Variants in ADAMTSL1 observed in about 807,000 individuals in gnomAD.
The protein encoded by ADAMTSL1 is ADAMTS like 1.
A neutral mutation model predicts 201.8 loss-of-function variants in ADAMTSL1; 126 were observed. That is an observed-to-expected ratio of 0.62 (90% CI 0.54 to 0.72). The LOEUF (loss-of-function observed/expected upper bound fraction) is 0.72. Ranked by LOEUF, ADAMTSL1 falls within the 30% of genes least tolerant of loss-of-function variation. ADAMTSL1 has a pLI of 0.00. For synonymous variants in ADAMTSL1, 1,121 were observed against 903.4 expected (o/e 1.24, Z -4.32); for missense variants, 2,679 against 2,277.8 (o/e 1.18, Z -3.59).
At position 18,513,951 on chromosome 9, in the gene ADAMTSL1, C is replaced by G. The variant is rs539548890; in HGVS notation, c.191+8995C>G. Among the ~76,000 whole-genome samples the G allele has an allele frequency of 7.2e-5, 11 of 152,312 alleles. No homozygotes were observed. The East Asian group carries it at 1.9e-3, about 27-fold the overall frequency. On this transcript the variant is annotated intron_variant, in intron 2 of 28. Coordinates refer to ENST00000380548, the MANE Select transcript of ADAMTSL1 (RefSeq NM_001040272.6). Reference sequence around the variant, plus strand: ...TGATGCCTTCAGCTTTGTTCTCTCTCAATATTGTTCTGAACATTCCAGATT... The same window carrying G: ...TGATGCCTTCAGCTTTGTTCTCTCTGAATATTGTTCTGAACATTCCAGATT...
chr9:18,396,816 T>C (rs1563933158), intron 2 of ADAMTSL1, among the ~76,000 whole-genome samples: 3 of 152,156 alleles, frequency 2.0e-5, no homozygotes, highest in Non-Finnish European at 4.4e-5. Flanking sequence ...CACATTTTTA[T>C]GATCATGCCA....
At chr9:18,049,147 C>G (rs528233711) in intron 1 of ADAMTSL1, among the ~76,000 whole-genome samples, 42 of 152,326 alleles carry the variant, frequency 2.8e-4, no homozygotes, top group Admixed American at 2.5e-3. Context: ...TCAGGATGAT[C>G]TCTCTTAAGA....
chr9:18,806,466 C>T (rs1823125364), intron 20 of ADAMTSL1, among the ~76,000 whole-genome samples: 1 of 152,182 alleles, frequency 6.6e-6, no homozygotes, highest in Non-Finnish European at 1.5e-5. Flanking sequence ...TGGAAGGCGG[C>T]ATGGCAGTTT....
chr9:17,996,369 T>C (rs1475619994), intron 1 of ADAMTSL1, among the ~76,000 whole-genome samples: 1 of 152,056 alleles, frequency 6.6e-6, no homozygotes, highest in Non-Finnish European at 1.5e-5. Context: ...AAGATGGGTT[T>C]GGGGATAGCA....
At chr9:18,309,470 T>A (rs1418822733) in intron 2 of ADAMTSL1, among the ~76,000 whole-genome samples, 1 of 152,136 alleles carries the variant, frequency 6.6e-6, no homozygotes, top group East Asian at 1.9e-4. Context: ...CTTAAGCTGA[T>A]AAGCAACTTC....
rs182321894 is a variant in ADAMTSL1 at position 18,201,786 on chromosome 9, C to T, written c.207+37805C>T. Among the ~76,000 whole-genome samples the T allele has an allele frequency of 4.9e-3, 744 of 152,194 alleles. 5 individuals are homozygous for T. Among genetic ancestry groups the T allele is most frequent in the African/African-American group, 0.017 (709 of 41,550 alleles). ...CCTCTGCAACTTATTGTTTGTATGT[C>T]TTTGAATATGTTATCAAACCTATTA... On this transcript the variant is annotated intron_variant, in intron 2 of 29. Transcript: ENST00000680146.
At chr9:17,971,174 G>T (rs1778175) in intron 1 of ADAMTSL1, among the ~76,000 whole-genome samples, 2 of 151,684 alleles carry the variant, frequency 1.3e-5, no homozygotes, top group African/African-American at 4.8e-5. Flanking sequence ...ATTATAACAC[G>T]TTTGCCTTTA....
chr9:18,788,674 A>G (rs1821850548), intron 19 of ADAMTSL1, among the ~76,000 whole-genome samples: 1 of 152,184 alleles, frequency 6.6e-6, no homozygotes, highest in Non-Finnish European at 1.5e-5. Context: ...CCATTATCCT[A>G]ATCTAAGGAA....
In ADAMTSL1 at chr9:18,826,276, CT is replaced by C; in HGVS notation, c.3935-6del. ...GTGGGGTTTTTTGTTTTTTTTTTTT[CT>C]TCCTAGGAGTGCCTGAAGCTGAAGT... On this transcript the variant is annotated splice_region_variant and splice_polypyrimidine_tract_variant and intron_variant, in intron 21 of 28. Transcript: ENST00000380548. 6.5e-7 allele frequency: 1 copy of C among 1,535,486 alleles called. No individual in the cohort carries two copies. Among genetic ancestry groups the C allele is most frequent in the Non-Finnish European group, 8.7e-7 (1 of 1,145,836 alleles).
In ADAMTSL1 at chr9:17,941,750, A is replaced by C. The variant is rs138167952; in HGVS notation, c.87+34828A>C. 8.1e-3 allele frequency among the ~76,000 whole-genome samples: 1,230 copies of C among 152,218 alleles called. 17 individuals are homozygous for C. The highest frequency in any genetic ancestry group is 0.028 in the African/African-American group (1,169 of 41,544). On this transcript the variant is annotated intron_variant, in intron 1 of 29. Coordinates refer to the ADAMTSL1 transcript ENST00000680146. ...TCTGTTCAGGCTACTATAATACACT[A>C]CTTGTAGACTTGTTGGCTTACAAGC...
intron 23 of ADAMTSL1, among the ~76,000 whole-genome samples, chr9:18,847,985 A>T (rs939037681): frequency 6.6e-6 from 1 of 152,250 alleles, no homozygotes; most frequent in African/African-American, 2.4e-5. Context: ...GATTTAGTTT[A>T]TTGGAAACCA....
At chr9:18,892,948 A>G (rs913685540) in intron 26 of ADAMTSL1, among the ~76,000 whole-genome samples, 2 of 151,452 alleles carry the variant, frequency 1.3e-5, no homozygotes, top group African/African-American at 4.9e-5. Context: ...AAGTTAACAC[A>G]CTGTGGCCAC....
intron 20 of ADAMTSL1, among the ~76,000 whole-genome samples, chr9:18,814,491 A>G (rs1823710773): frequency 6.6e-6 from 1 of 152,236 alleles, no homozygotes; most frequent in East Asian, 1.9e-4. Context: ...AATATTCAGA[A>G]TACGTAAGGA....
intron 1 of ADAMTSL1, among the ~76,000 whole-genome samples, chr9:18,482,465 A>G (rs1269274462): frequency 2.0e-5 from 3 of 152,102 alleles, no homozygotes; most frequent in Admixed American, 2.0e-4. Context: ...TTTCCCCTTC[A>G]ATTTTTGTCC....
intron 20 of ADAMTSL1, among the ~76,000 whole-genome samples, chr9:18,802,962 G>A (rs1822893070): frequency 6.6e-6 from 1 of 152,204 alleles, no homozygotes; most frequent in African/African-American, 2.4e-5. Context: ...GACTAATGAT[G>A]TCAGGCATCT....
At chr9:18,301,319 A>T (rs1049525315) in intron 2 of ADAMTSL1, among the ~76,000 whole-genome samples, 1 of 152,234 alleles carries the variant, frequency 6.6e-6, no homozygotes, top group Non-Finnish European at 1.5e-5. Flanking sequence ...TACTTATCTC[A>T]CATAATCAGA....
chr9:18,766,847 G>A (rs916989533), intron 16 of ADAMTSL1, among the ~76,000 whole-genome samples: 6 of 152,198 alleles, frequency 3.9e-5, no homozygotes, highest in African/African-American at 9.7e-5. Flanking sequence ...GGATTTCAGC[G>A]TGTGAATTTA....
At chr9:18,854,614 C>T (rs1362750811) in intron 23 of ADAMTSL1, among the ~76,000 whole-genome samples, 1 of 151,900 alleles carries the variant, frequency 6.6e-6, no homozygotes, top group African/African-American at 2.4e-5. Flanking sequence ...CTAGAGATGT[C>T]GGTAGCAGAG....
intron 15 of ADAMTSL1, among the ~76,000 whole-genome samples, chr9:18,727,074 C>G (rs1037460458): frequency 1.3e-5 from 2 of 152,234 alleles, no homozygotes; most frequent in African/African-American, 4.8e-5. Context: ...TATACACTAA[C>G]AAAATCCATG....
Sources: gnomAD v4.1 joint callset for allele counts (sites outside exome capture counted in the v4.1 genomes callset) on GRCh38, gnomAD v4.1.1 for gene constraint, MANE v1.5 for transcripts, NCBI Gene and HGNC (gene_info 2026-07-23, HGNC 2026-07-21) for gene names.